The following SASH1 variants were observed in gnomAD, a reference collection of about 807,000 sequenced individuals.
The protein encoded by SASH1 is SAM and SH3 domain containing 1.
In SASH1, 44 loss-of-function variants were observed where a neutral mutation model predicts 125.2. The ratio of observed to expected loss-of-function variants is 0.35; its 90% CI spans 0.28 to 0.45. The LOEUF is 0.45. SASH1 is among the 20% of genes least tolerant of loss of function. The pLI, the probability that SASH1 is intolerant of heterozygous loss-of-function variation, is 1.00. For missense variants in SASH1, 1,426 were observed against 1,614.5 expected (o/e 0.88, Z 2.00); for synonymous variants, 639 against 649.1 (o/e 0.98, Z 0.24).
chr6:148,203,017 G>A, the SASH1 span, among the ~76,000 whole-genome samples: 1 of 152,058 alleles, frequency 6.6e-6, no homozygotes, highest in South Asian at 2.1e-4. Context: ...ACAGCAAGAA[G>A]TAACAAGACC....
upstream of SASH1, among the ~76,000 whole-genome samples, chr6:148,337,843 A>G (rs751318785): frequency 6.6e-6 from 1 of 152,202 alleles, no homozygotes; most frequent in Non-Finnish European, 1.5e-5. Flanking sequence ...GATAGTTTTC[A>G]CTCATTTGTG....
the SASH1 span, among the ~76,000 whole-genome samples, chr6:148,241,901 G>A: frequency 6.6e-6 from 1 of 152,166 alleles, no homozygotes; most frequent in East Asian, 1.9e-4. Context: ...ACAGCAGCAA[G>A]CGTTCACTAA....
intron 2 of SASH1, among the ~76,000 whole-genome samples, chr6:148,433,467 C>T (rs1177466504): frequency 2.8e-5 from 4 of 140,990 alleles, no homozygotes; most frequent in African/African-American, 5.4e-5. Flanking sequence ...AGTGCAGTGG[C>T]GTGATCTCTG....
upstream of SASH1, among the ~76,000 whole-genome samples, chr6:148,267,822 A>G (rs982034726): frequency 5.3e-5 from 8 of 152,152 alleles, no homozygotes; most frequent in South Asian, 1.7e-3. Flanking sequence ...TTCGAAGGGA[A>G]GGGGGCGTGG....
chr6:148,348,614 C>T (rs1286282298), intron 1 of SASH1, among the ~76,000 whole-genome samples: 1 of 152,112 alleles, frequency 6.6e-6, no homozygotes, highest in Non-Finnish European at 1.5e-5. Flanking sequence ...TATTCTTGCC[C>T]TCATTTTACA....
At chr6:148,390,667 A>G (rs1783669553) in intron 2 of SASH1, among the ~76,000 whole-genome samples, 1 of 152,036 alleles carries the variant, frequency 6.6e-6, no homozygotes, top group Admixed American at 6.6e-5. Context: ...GGGTGCCTGT[A>G]GTCCCAGCTA....
chr6:148,246,375 G>T, the SASH1 span, among the ~76,000 whole-genome samples: 1 of 152,184 alleles, frequency 6.6e-6, no homozygotes, highest in African/African-American at 2.4e-5. Context: ...GTGGGGTAAT[G>T]TTTATGTGTG....
intron 10 of SASH1, among the ~76,000 whole-genome samples, chr6:148,521,495 C>T (rs557418060): frequency 2.0e-4 from 30 of 152,326 alleles, no homozygotes; most frequent in African/African-American, 6.5e-4. Context: ...ATCCTTAGGT[C>T]CTTCCTAGCC....
intron 10 of SASH1, chr6:148,520,195 G>A: frequency 3.0e-6 from 1 of 336,142 alleles, no homozygotes; most frequent in Non-Finnish European, 5.5e-6. Context: ...GTGGTGGAGC[G>A]GAGCCTGTAC....
chr6:148,539,837 G>A (rs1443696746), intron 16 of SASH1, among the ~76,000 whole-genome samples: 1 of 152,076 alleles, frequency 6.6e-6, no homozygotes, highest in African/African-American at 2.4e-5. Context: ...TGAGTTTTGG[G>A]GTTTGTGCCT....
intron 11 of SASH1, 79 bp downstream of exon 11, chr6:148,525,444 A>C: frequency 8.8e-7 from 1 of 1,134,736 alleles, no homozygotes; most frequent in Non-Finnish European, 1.3e-6. Flanking sequence ...AGTATCTTTG[A>C]GAATTGATAC....
chr6:148,212,588 C>T, the SASH1 span, among the ~76,000 whole-genome samples: 246 of 152,164 alleles, frequency 1.6e-3, no homozygotes, highest in Non-Finnish European at 2.9e-3. Flanking sequence ...TACAGAAATA[C>T]GTGTATATCT....
At chr6:148,284,797 C>T (rs906668754) in intron 1 of SASH1, among the ~76,000 whole-genome samples, 1 of 152,098 alleles carries the variant, frequency 6.6e-6, no homozygotes, top group African/African-American at 2.4e-5. Flanking sequence ...TAAACAAATG[C>T]TATAATGAAC....
intron 1 of SASH1, among the ~76,000 whole-genome samples, chr6:148,362,250 T>A (rs564794807): frequency 7.1e-6 from 1 of 141,274 alleles, no homozygotes; most frequent in South Asian, 2.3e-4. Context: ...TGAGATGGAG[T>A]CTTGCTTTGT....
intron 8 of SASH1, chr6:148,514,066 C>A: frequency 8.4e-7 from 1 of 1,197,526 alleles, no homozygotes; most frequent in Non-Finnish European, 1.0e-6. Context: ...GACAGATGCC[C>A]CCACAGGCCA....
intron 2 of SASH1, among the ~76,000 whole-genome samples, chr6:148,416,834 C>G (rs2114927476): frequency 6.6e-6 from 1 of 152,264 alleles, no homozygotes; most frequent in African/African-American, 2.4e-5. Context: ...GTTAGTTGAG[C>G]AGAAATTTGC....
chr6:148,413,671 C>T (rs986430501), intron 2 of SASH1, among the ~76,000 whole-genome samples: 1 of 152,082 alleles, frequency 6.6e-6, no homozygotes, highest in African/African-American at 2.4e-5. Flanking sequence ...AAATCGAGGC[C>T]GTTGATGTAG....
intron 1 of SASH1, among the ~76,000 whole-genome samples, chr6:148,293,130 C>T (rs1189261698): frequency 2.0e-5 from 3 of 152,008 alleles, no homozygotes; most frequent in Non-Finnish European, 4.4e-5. Flanking sequence ...CTGTAATAAT[C>T]TCAAAGGGCT....
At chr6:148,325,366 T>A (rs958622342) in intron 1 of SASH1, among the ~76,000 whole-genome samples, 1 of 151,980 alleles carries the variant, frequency 6.6e-6, no homozygotes, top group South Asian at 2.1e-4. Context: ...AACCTCTGCC[T>A]CCCGGGTTCA....
Sources: allele counts gnomAD v4.1 joint callset (sites outside exome capture counted in the v4.1 genomes callset), GRCh38; gene constraint gnomAD v4.1.1; transcripts MANE v1.5; gene names NCBI Gene and HGNC (gene_info 2026-07-23, HGNC 2026-07-21).